The following ARFGEF2 variants were observed in gnomAD, a reference collection of about 807,000 sequenced individuals.
The protein encoded by ARFGEF2 is brefeldin A-inhibited guanine nucleotide-exchange protein 2.
A neutral mutation model predicts 219.9 loss-of-function variants in ARFGEF2; 74 were observed. That is an observed-to-expected ratio of 0.34 (90% CI 0.28 to 0.41). ARFGEF2 has a LOEUF of 0.41. Among genes scored for constraint, ARFGEF2 ranks in the 10% least tolerant of loss-of-function variants. The pLI, the probability that ARFGEF2 is intolerant of heterozygous loss-of-function variation, is 1.00. For synonymous variants in ARFGEF2, 733 were observed against 799.2 expected, an observed-to-expected ratio of 0.92 and a Z score of 1.40; for missense variants, 1,743 against 2,218.3, an observed-to-expected ratio of 0.79 and a Z score of 4.30.
chr20:49,031,438 C>T (rs564734688), intron 37 of ARFGEF2, among the ~76,000 whole-genome samples: 38 of 151,966 alleles, frequency 2.5e-4, no homozygotes, highest in African/African-American at 5.5e-4. Context: ...CTACATTGGC[C>T]GGGCTGTCTC....
chr20:48,987,671 G>A (rs1439015578), intron 16 of ARFGEF2, among the ~76,000 whole-genome samples: 1 of 152,188 alleles, frequency 6.6e-6, no homozygotes, highest in East Asian at 1.9e-4. Flanking sequence ...AGCACCAAGT[G>A]TAAGGTCTCC....
chr20:49,004,183 A>G (rs2091442035), intron 25 of ARFGEF2, among the ~76,000 whole-genome samples: 1 of 152,106 alleles, frequency 6.6e-6, no homozygotes, highest in South Asian at 2.1e-4. Context: ...CAACATGGTG[A>G]AACCCTGTCT....
At chr20:48,938,885 C>T (rs1415727659) in intron 1 of ARFGEF2, among the ~76,000 whole-genome samples, 4 of 151,912 alleles carry the variant, frequency 2.6e-5, no homozygotes, top group South Asian at 4.1e-4. Flanking sequence ...TTACACCCAC[C>T]GTGTTTTTTC....
chr20:48,998,614 A>G (rs955837756), intron 25 of ARFGEF2, 109 bp downstream of exon 25: 3 of 1,130,166 alleles, frequency 2.7e-6, no homozygotes, highest in Non-Finnish European at 3.8e-6. Flanking sequence ...AGATGCCTCT[A>G]ATTCATTTTC....
chr20:48,968,416 C>A (rs964458419), intron 8 of ARFGEF2, among the ~76,000 whole-genome samples: 1 of 146,936 alleles, frequency 6.8e-6, no homozygotes, highest in African/African-American at 2.5e-5. Flanking sequence ...CAATAGTATT[C>A]TTTTTTTTAC....
chr20:49,004,543 G>A (rs763595828), intron 25 of ARFGEF2, among the ~76,000 whole-genome samples: 21 of 151,966 alleles, frequency 1.4e-4, no homozygotes, highest in Non-Finnish European at 2.5e-4. Flanking sequence ...GGCTCACCCT[G>A]TAATTCCAGC....
At chr20:48,929,744 G>A (rs187372337) in intron 1 of ARFGEF2, among the ~76,000 whole-genome samples, 177 of 152,332 alleles carry the variant, frequency 1.2e-3, no homozygotes, top group Middle Eastern at 3.4e-3. Context: ...CTCTATGGCA[G>A]AGAGGAAAAC....
chr20:48,943,859 C>G (rs1212097873), intron 3 of ARFGEF2, among the ~76,000 whole-genome samples: 1 of 152,122 alleles, frequency 6.6e-6, no homozygotes, highest in Non-Finnish European at 1.5e-5. Context: ...GAATGGTGAC[C>G]AGATTCTGTA....
intron 1 of ARFGEF2, among the ~76,000 whole-genome samples, chr20:48,927,459 C>T (rs1263654596): frequency 4.6e-5 from 7 of 152,098 alleles, no homozygotes; most frequent in East Asian, 1.9e-4. Context: ...GAGGTCGAGG[C>T]GGGCGGCTCA....
chr20:48,952,574 T>C (rs1273065224), intron 4 of ARFGEF2, 131 bp from the exon 5 acceptor site: 11 of 851,750 alleles, frequency 1.3e-5, no homozygotes, highest in Non-Finnish European at 2.2e-5. Flanking sequence ...TGCAGAGCCA[T>C]CTTACAATTT....
At chr20:48,966,792 A>C (rs1366320511) in intron 8 of ARFGEF2, among the ~76,000 whole-genome samples, 1 of 152,166 alleles carries the variant, frequency 6.6e-6, no homozygotes, top group Admixed American at 6.5e-5. Context: ...AATAAACTGG[A>C]TATCCATATG....
Position 48,964,392 on chromosome 20 carries a change from G to A in ARFGEF2, c.907+494G>A, listed in dbSNP as rs569891893. 1.7e-4 allele frequency among the ~76,000 whole-genome samples: 26 copies of A among 152,270 alleles called. No individual in the cohort carries two copies. In the South Asian group the frequency reaches 2.9e-3, roughly 17 times the overall value. On this transcript the variant is annotated intron_variant, in intron 7 of 38. Coordinates refer to ENST00000371917, the MANE Select transcript of ARFGEF2 (RefSeq NM_006420.3). ...TGCACTTCAGCCTGGGTGACAGAGC[G>A]AGACTCCATCTCAAAAAAAAGACAC...
chr20:48,922,820 C>T (rs969286227), intron 1 of ARFGEF2, among the ~76,000 whole-genome samples: 1 of 152,144 alleles, frequency 6.6e-6, no homozygotes, highest in African/African-American at 2.4e-5. Flanking sequence ...TATCAAGTGC[C>T]CACTGCATAC....
At chr20:48,971,404 C>A in intron 10 of ARFGEF2, 50 bp downstream of exon 10, 2 of 1,308,432 alleles carry the variant, frequency 1.5e-6, no homozygotes, top group South Asian at 1.2e-5. Flanking sequence ...TATTATTAGT[C>A]ATTAATTATA....
chr20:48,932,700 A>G (rs2090920774), intron 1 of ARFGEF2, among the ~76,000 whole-genome samples: 1 of 152,192 alleles, frequency 6.6e-6, no homozygotes, highest in African/African-American at 2.4e-5. Context: ...CAGGACAAAG[A>G]CAGGTTCTAC....
chr20:48,958,021 G>A (rs1371565109), intron 6 of ARFGEF2, among the ~76,000 whole-genome samples: 2 of 152,154 alleles, frequency 1.3e-5, no homozygotes, highest in Non-Finnish European at 2.9e-5. Flanking sequence ...CCTTAGGAAT[G>A]AAAGATAGTG....
intron 25 of ARFGEF2, among the ~76,000 whole-genome samples, chr20:49,000,912 A>G (rs1371977727): frequency 6.6e-6 from 1 of 152,168 alleles, no homozygotes; most frequent in African/African-American, 2.4e-5. Context: ...AATTCTCAGT[A>G]TGTATGGACC....
chr20:48,977,128 G>A (rs1396544102), intron 14 of ARFGEF2, among the ~76,000 whole-genome samples: 2 of 141,152 alleles, frequency 1.4e-5, no homozygotes. Flanking sequence ...CCCTCCCCCT[G>A]CGCCCCACCC....
rs367615221 is a variant in ARFGEF2, at chr20:49,034,378, T to G, written c.*1179T>G. On this transcript the variant is annotated 3_prime_UTR_variant, in exon 39 of 39. Coordinates refer to ENST00000371917, the MANE Select transcript of ARFGEF2 (RefSeq NM_006420.3). ...TTGGCAAGGTTGGATTCTGAGGTCC[T>G]TATTATGTTAATGATGGTGCAATAC... is the stretch of plus-strand genomic sequence containing the variant. The G allele has an allele frequency of 5.9e-5, 9 of 152,352 alleles. No homozygotes were observed. In the East Asian group the frequency reaches 9.6e-4, roughly 16 times the overall value. The allele number at this position is 152,352 out of a possible 1,614,324, so 9.4% of individuals were successfully genotyped here.
Sources: gnomAD v4.1 joint callset for allele counts (sites outside exome capture counted in the v4.1 genomes callset) on GRCh38, gnomAD v4.1.1 for gene constraint, MANE v1.5 for transcripts, NCBI Gene and HGNC (gene_info 2026-07-23, HGNC 2026-07-21) for gene names.